Variants in LDLRAD4 observed in about 807,000 individuals in gnomAD.
LDLRAD4 encodes the protein low-density lipoprotein receptor class A domain-containing protein 4.
Under a neutral mutation model 17.0 loss-of-function variants are expected in LDLRAD4, and 5 were observed. The ratio of observed to expected loss-of-function variants is 0.29; its 90% CI spans 0.15 to 0.62. The LOEUF (loss-of-function observed/expected upper bound fraction) is 0.62, where lower values mean the gene tolerates loss of function less well. LDLRAD4 is among the 20% of genes least tolerant of loss of function. The probability of loss-of-function intolerance (pLI) is 0.84; values close to 1 mark genes in which losing one functional copy is unlikely to be tolerated. For synonymous variants in LDLRAD4, 168 were observed against 171.8 expected (o/e 0.98, Z 0.17); for missense variants, 340 against 424.7 (o/e 0.80, Z 1.75).
At chr18:13,364,487 G>A (rs760882073) in intron 1 of LDLRAD4, among the ~76,000 whole-genome samples, 2 of 152,018 alleles carry the variant, frequency 1.3e-5, no homozygotes, top group Non-Finnish European at 2.9e-5. Flanking sequence ...AACAGCATGT[G>A]CCACCACACC....
intron 1 of LDLRAD4, among the ~76,000 whole-genome samples, chr18:13,224,408 GTC>G (rs1034679680): frequency 6.6e-5 from 10 of 151,530 alleles, no homozygotes; most frequent in African/African-American, 2.2e-4. Context: ...CCCACCAGCT[GTC>G]TCTTCACTCG....
intron 3 of LDLRAD4, among the ~76,000 whole-genome samples, chr18:13,595,639 A>C (rs977328167): frequency 6.6e-6 from 1 of 152,120 alleles, no homozygotes; most frequent in African/African-American, 2.4e-5. Context: ...GTCAGCCACC[A>C]CACCCAGCCG....
chr18:13,265,113 T>A (rs2044142981), intron 1 of LDLRAD4, among the ~76,000 whole-genome samples: 1 of 152,150 alleles, frequency 6.6e-6, no homozygotes. Flanking sequence ...ATGGCTCCTT[T>A]CCTCCCGCTG....
rs772798231 is a variant in LDLRAD4, at chr18:13,645,232, A to G, written c.496A>G (p.Ile166Val). ...CACCTACCCCTATGTGCAGCACGAG[A>G]TTGATCTTCCTCCCACCATCTCCCT... The change falls in exon 6 of 6, where the codon ATT becomes GTT. Residue 166 changes from isoleucine (I) to valine (V), a missense_variant. Transcript: ENST00000359446. This position sits in a 1 kb window ranked among gnomAD's most constrained non-coding sequence, Gnocchi z 5.7. 1.2e-6 allele frequency: 2 copies of G among 1,614,064 alleles called. No individual in the cohort carries two copies. The highest frequency in any genetic ancestry group is 1.7e-6 in the Non-Finnish European group (2 of 1,180,010).
chr18:13,365,196 G>A (rs2083966107), intron 1 of LDLRAD4, among the ~76,000 whole-genome samples: 1 of 152,238 alleles, frequency 6.6e-6, no homozygotes, highest in African/African-American at 2.4e-5. Flanking sequence ...AGGAGCTCCT[G>A]TATGGCTACA....
In LDLRAD4 at chr18:13,641,930, G is replaced by T. The variant is rs2042598117; in HGVS notation, c.337-1429G>T. On this transcript the variant is annotated intron_variant, in intron 4 of 5. Coordinates refer to ENST00000359446, the Ensembl canonical transcript of LDLRAD4. The stretch of plus-strand genomic sequence containing the variant: ...CCTGGCGGCGTTCCTGGCTACGGCT[G>T]ACTGGGCTCCCGGAGCGAGGAGCGC... 17 of 985,418 alleles carry T rather than the reference G, an allele frequency of 1.7e-5. No homozygotes were observed. In the South Asian group the frequency reaches 6.6e-4, roughly 38 times the overall value. The allele number at this position is 985,418 out of a possible 1,614,324, so 61.0% of individuals were successfully genotyped here.
At chr18:13,355,635 G>A (rs564912530) in intron 1 of LDLRAD4, among the ~76,000 whole-genome samples, 37 of 152,254 alleles carry the variant, frequency 2.4e-4, no homozygotes, top group Admixed American at 3.9e-4. Context: ...ATTTCCAAGA[G>A]TCTGGTTTTT....
Position 13,590,962 on chromosome 18 carries a change from C to G in LDLRAD4, c.182-30155C>G, listed in dbSNP as rs138325846. Among the ~76,000 whole-genome samples, 286 of 152,316 alleles carry G rather than the reference C, an allele frequency of 1.9e-3. 3 individuals are homozygous for G. Among genetic ancestry groups the G allele is most frequent in the East Asian group, 5.0e-3 (26 of 5,188 alleles). On this transcript the variant is annotated intron_variant, in intron 3 of 5. Transcript: ENST00000359446. The stretch of plus-strand genomic sequence containing the variant: ...TGTGTTCTCCCTGGAGTTCCTGCTA[C>G]TCTTTGTCTTCAGATTTTTCTTGAA...
intron 3 of LDLRAD4, among the ~76,000 whole-genome samples, chr18:13,463,851 T>C (rs1160346389): frequency 6.6e-6 from 1 of 152,224 alleles, no homozygotes; most frequent in Non-Finnish European, 1.5e-5. Context: ...AAAAATGTGT[T>C]TCTTAACTTG....
intron 1 of LDLRAD4, among the ~76,000 whole-genome samples, chr18:13,369,099 A>G (rs2084275740): frequency 2.6e-5 from 4 of 152,210 alleles, no homozygotes; most frequent in Admixed American, 2.6e-4. Flanking sequence ...GTGGAAGCTG[A>G]CTATGGGAAC....
intron 1 of LDLRAD4, among the ~76,000 whole-genome samples, chr18:13,345,740 T>C (rs1424855112): frequency 1.3e-5 from 2 of 151,444 alleles, no homozygotes; most frequent in Non-Finnish European, 3.0e-5. Flanking sequence ...TAAGCTATTA[T>C]TGCCTCAATT....
At chr18:13,615,548 A>G (rs2039994768) in intron 3 of LDLRAD4, 1 of 152,254 alleles carries the variant, frequency 6.6e-6, no homozygotes, top group African/African-American at 2.4e-5. Context: ...GAACCAGGGA[A>G]GAGACCGACA....
chr18:13,385,953 A>T (rs1434797744), intron 1 of LDLRAD4, among the ~76,000 whole-genome samples: 2 of 152,232 alleles, frequency 1.3e-5, no homozygotes, highest in South Asian at 4.1e-4. Flanking sequence ...TAGATACATG[A>T]AGGTAATAGA....
At chr18:13,249,445 G>A (rs2043124657) in intron 1 of LDLRAD4, among the ~76,000 whole-genome samples, 1 of 152,102 alleles carries the variant, frequency 6.6e-6, no homozygotes, top group Admixed American at 6.5e-5. Context: ...TGCTAACTGG[G>A]GTGAGATGGT....
chr18:13,311,970 T>C (rs1186813005), intron 1 of LDLRAD4, among the ~76,000 whole-genome samples: 1 of 152,006 alleles, frequency 6.6e-6, no homozygotes, highest in Non-Finnish European at 1.5e-5. Context: ...TAGCTGGGAC[T>C]ACAGGCGCCC....
chr18:13,441,872 CCG>C (rs1342390568), intron 3 of LDLRAD4, among the ~76,000 whole-genome samples: 5 of 152,128 alleles, frequency 3.3e-5, no homozygotes, highest in Non-Finnish European at 7.4e-5. Flanking sequence ...TATGGTTGGA[CCG>C]AGGCTGCTTT....
intron 1 of LDLRAD4, among the ~76,000 whole-genome samples, chr18:13,250,666 T>C (rs1471380198): frequency 6.6e-6 from 1 of 152,156 alleles, no homozygotes; most frequent in Middle Eastern, 3.2e-3. Flanking sequence ...ACATGCAGCC[T>C]ACCAAGATTG....
At chr18:13,619,619 C>T (rs1568415805) in intron 3 of LDLRAD4, among the ~76,000 whole-genome samples, 1 of 152,120 alleles carries the variant, frequency 6.6e-6, no homozygotes, top group South Asian at 2.1e-4. Flanking sequence ...GGGCACCAGG[C>T]CCCTAGAGTC....
At chr18:13,616,926 C>T (rs370338811) in intron 3 of LDLRAD4, among the ~76,000 whole-genome samples, 10 of 152,312 alleles carry the variant, frequency 6.6e-5, no homozygotes, top group African/African-American at 2.2e-4. Context: ...CCGTGAACCC[C>T]CAGGGCCGAC....
Sources: gnomAD v4.1 joint callset for allele counts (sites outside exome capture counted in the v4.1 genomes callset) on GRCh38, gnomAD v4.1.1 for gene constraint, Gnocchi (gnomAD v3.1) non-coding constraint, MANE v1.5 for transcripts, NCBI Gene and HGNC (gene_info 2026-07-23, HGNC 2026-07-21) for gene names.